Variants in SLC14A2 observed in about 807,000 individuals in gnomAD.
SLC14A2 encodes the protein urea transporter 2.
SLC14A2 carries 91 observed loss-of-function variants against 104.6 expected under a neutral mutation model. The ratio of observed to expected loss-of-function variants is 0.87; its 90% CI spans 0.73 to 1.04. SLC14A2 has a LOEUF of 1.04. Among genes scored for constraint, SLC14A2 ranks in the 50% least tolerant of loss-of-function variants. The probability of loss-of-function intolerance (pLI) is 0.00; values close to 1 mark genes in which losing one functional copy is unlikely to be tolerated. For missense variants in SLC14A2, 1,189 were observed against 1,156.0 expected, an observed-to-expected ratio of 1.03 and a Z score of -0.41; for synonymous variants, 476 against 466.4, an observed-to-expected ratio of 1.02 and a Z score of -0.27.
chr18:45,242,393 T>C (rs909149657), intron 1 of SLC14A2, among the ~76,000 whole-genome samples: 5 of 152,200 alleles, frequency 3.3e-5, no homozygotes, highest in Admixed American at 6.5e-5. Flanking sequence ...AGAGCAGCCC[T>C]TTTGAGCAAA....
At chr18:45,506,221 TTTGAGACC>T (rs1421341847) in intron 2 of SLC14A2, among the ~76,000 whole-genome samples, 3 of 152,158 alleles carry the variant, frequency 2.0e-5, no homozygotes, top group Non-Finnish European at 4.4e-5. Flanking sequence ...CCCACTAGCC[TTTGAGACC>T]TGCCCTTCAC....
chr18:45,207,728 A>C, the SLC14A2 span, among the ~76,000 whole-genome samples: 9 of 152,238 alleles, frequency 5.9e-5, no homozygotes, highest in Admixed American at 4.6e-4. Flanking sequence ...ACACACAGAC[A>C]TAGGGGAATC....
At chr18:45,316,609 C>T (rs936661484) in intron 1 of SLC14A2, among the ~76,000 whole-genome samples, 1 of 152,128 alleles carries the variant, frequency 6.6e-6, no homozygotes, top group African/African-American at 2.4e-5. Context: ...ATGCGTGGAC[C>T]TACCTGGAGC....
At chr18:45,303,221 G>A (rs769626178) in intron 1 of SLC14A2, among the ~76,000 whole-genome samples, 1 of 152,214 alleles carries the variant, frequency 6.6e-6, no homozygotes, top group Non-Finnish European at 1.5e-5. Flanking sequence ...GTGAGGTACA[G>A]AAACAGCTGG....
chr18:45,233,014 T>A (rs1903646), intron 1 of SLC14A2, among the ~76,000 whole-genome samples: 48,246 of 152,134 alleles, frequency 0.32, 8,182 homozygotes, highest in African/African-American at 0.45. Context: ...ACCACTTGAA[T>A]CTCATTCCTT....
intron 1 of SLC14A2, among the ~76,000 whole-genome samples, chr18:45,235,829 A>G (rs1343571041): frequency 1.6e-5 from 2 of 126,480 alleles, no homozygotes; most frequent in Non-Finnish European, 3.3e-5. Flanking sequence ...ATATATATAT[A>G]TACGTGTATA....
At chr18:45,553,911 T>C (rs2044090875) in intron 2 of SLC14A2, among the ~76,000 whole-genome samples, 1 of 152,158 alleles carries the variant, frequency 6.6e-6, no homozygotes. Flanking sequence ...AAAAACGCCA[T>C]ACAAGGGTTC....
chr18:45,559,435 C>T (rs760777986), intron 2 of SLC14A2, among the ~76,000 whole-genome samples: 81 of 152,154 alleles, frequency 5.3e-4, no homozygotes, highest in Non-Finnish European at 1.1e-3. Context: ...TTAGTGTGTT[C>T]TGCTCACTCA....
the SLC14A2 span, among the ~76,000 whole-genome samples, chr18:45,188,031 A>G: frequency 6.6e-6 from 1 of 152,106 alleles, no homozygotes; most frequent in Non-Finnish European, 1.5e-5. Context: ...GTGTTACCTA[A>G]TATATCCCGG....
the SLC14A2 span, among the ~76,000 whole-genome samples, chr18:45,200,787 C>T: frequency 6.6e-6 from 1 of 152,078 alleles, no homozygotes; most frequent in South Asian, 2.1e-4. Context: ...TAGTTTTATA[C>T]TTATAGAAAT....
intron 1 of SLC14A2, among the ~76,000 whole-genome samples, chr18:45,384,978 C>A (rs1041089426): frequency 5.9e-5 from 9 of 152,150 alleles, no homozygotes; most frequent in African/African-American, 2.2e-4. Context: ...CTTCTCCTGC[C>A]TTTTATCATC....
At chr18:45,227,406 A>C (rs2084130450) in intron 1 of SLC14A2, among the ~76,000 whole-genome samples, 1 of 152,246 alleles carries the variant, frequency 6.6e-6, no homozygotes, top group Non-Finnish European at 1.5e-5. Context: ...TATAAAGAAC[A>C]GGAATTTGTT....
intron 1 of SLC14A2, among the ~76,000 whole-genome samples, chr18:45,243,495 A>C (rs2084338240): frequency 6.6e-6 from 1 of 152,216 alleles, no homozygotes; most frequent in African/African-American, 2.4e-5. Context: ...GATGCTCACA[A>C]GGACTTAAAA....
intron 1 of SLC14A2, among the ~76,000 whole-genome samples, chr18:45,392,165 T>A (rs1219660958): frequency 2.0e-5 from 3 of 152,180 alleles, no homozygotes; most frequent in East Asian, 3.9e-4. Flanking sequence ...CTCCTTGGAG[T>A]GGGCAAAGTG....
At chr18:45,315,683 TAAG>T (rs1438802747) in intron 1 of SLC14A2, among the ~76,000 whole-genome samples, 1 of 152,104 alleles carries the variant, frequency 6.6e-6, no homozygotes, top group Non-Finnish European at 1.5e-5. Context: ...ATTTTGGCCG[TAAG>T]AAGAGAAGGG....
intron 2 of SLC14A2, among the ~76,000 whole-genome samples, chr18:45,547,158 A>G (rs2043984074): frequency 6.6e-6 from 1 of 152,174 alleles, no homozygotes; most frequent in African/African-American, 2.4e-5. Flanking sequence ...TGAAACCAAG[A>G]ATTTTGCTAT....
intron 2 of SLC14A2, among the ~76,000 whole-genome samples, chr18:45,595,226 C>T (rs554500110): frequency 9.6e-6 from 1 of 104,130 alleles, no homozygotes; most frequent in African/African-American, 3.2e-5. Flanking sequence ...CTTAATGTTA[C>T]GCAAAAAGCA....
Position 45,364,238 on chromosome 18 carries a change from T to C in SLC14A2, c.-124-118995T>C, listed in dbSNP as rs548209865. The stretch of plus-strand genomic sequence containing the variant: ...GGTCATAGATTACATCATATACTTC[T>C]GGTATTCCCTGTCATTTGCTATGCT... On this transcript the variant is annotated intron_variant, in intron 1 of 20. Transcript: ENST00000586448. Among the ~76,000 whole-genome samples the C allele has an allele frequency of 2.0e-5, 3 of 152,078 alleles. No individual in the cohort carries two copies. The East Asian group carries it at 5.8e-4, about 29-fold the overall frequency.
intron 1 of SLC14A2, among the ~76,000 whole-genome samples, chr18:45,480,418 C>A (rs1222849843): frequency 2.0e-5 from 3 of 152,184 alleles, no homozygotes; most frequent in Non-Finnish European, 4.4e-5. Flanking sequence ...CCACACCTGC[C>A]CGTGCCTGTC....
Sources: allele counts gnomAD v4.1 joint callset (sites outside exome capture counted in the v4.1 genomes callset), GRCh38; gene constraint gnomAD v4.1.1; transcripts MANE v1.5; gene names NCBI Gene and HGNC (gene_info 2026-07-23, HGNC 2026-07-21).